ITGA8: variants seen among roughly 807,000 people sequenced by gnomAD.
ITGA8 encodes the protein integrin subunit alpha 8.
A neutral mutation model predicts 142.3 loss-of-function variants in ITGA8; 91 were observed. That is an observed-to-expected ratio of 0.64 (90% CI 0.54 to 0.76). The LOEUF (loss-of-function observed/expected upper bound fraction) is 0.76. Among genes scored for constraint, ITGA8 ranks in the 30% least tolerant of loss-of-function variants. The probability of loss-of-function intolerance (pLI) is 0.00; values close to 1 mark genes in which losing one functional copy is unlikely to be tolerated. For missense variants in ITGA8, 1,406 were observed against 1,327.7 expected (o/e 1.06, Z -0.92); for synonymous variants, 505 against 485.2 (o/e 1.04, Z -0.54).
chr10:15,646,877 G>A lies in ITGA8; in HGVS notation c.1176C>T (p.His392=), dbSNP rs150699841. 1.0e-3 allele frequency: 1,692 copies of A among 1,613,948 alleles called. 25 individuals carry two copies. Among genetic ancestry groups the A allele is most frequent in the Non-Finnish European group, 1.8e-4 (215 of 1,179,982 alleles). The change falls in exon 12 of 30, where the codon CAC becomes CAT. Residue 392 remains histidine, a synonymous_variant. Coordinates refer to ENST00000378076, the MANE Select transcript of ITGA8 (RefSeq NM_003638.3). ...ATCCATCTTGGTTCAGGTCTCCTAA[G>A]TGTGCCATAGCACTACCGAATCTCC... ...TFGRFGSAMA[H]LGDLNQDGYN... is the part of the protein sequence containing the mutation.
At position 15,647,487 on chromosome 10, in the gene ITGA8, G is replaced by A. The variant is rs535855975; in HGVS notation, c.1002-436C>T. On this transcript the variant is annotated intron_variant, in intron 11 of 29. Transcript: ENST00000378076. Reference sequence around the variant, plus strand: ...TTTTTTTTTTTTGAGACGGAGTCTCGCTCTGTCGCCCAGGCCGGACTGCGG... The same window carrying A: ...TTTTTTTTTTTTGAGACGGAGTCTCACTCTGTCGCCCAGGCCGGACTGCGG... Among the ~76,000 whole-genome samples, 132 of 117,198 alleles carry A rather than the reference G, an allele frequency of 1.1e-3. 1 individual carries two copies. Among genetic ancestry groups the A allele is most frequent in the Non-Finnish European group, 1.8e-3 (111 of 62,162 alleles). The allele number at this position is 117,198 out of a possible 152,430, so 76.9% of individuals were successfully genotyped here. A position where few individuals can be genotyped will look rare whatever the true frequency, so the allele number is the denominator to read the frequency against.
At chr10:15,719,250 G>T (rs1306327822) in intron 1 of ITGA8, among the ~76,000 whole-genome samples, 4 of 152,256 alleles carry the variant, frequency 2.6e-5, no homozygotes, top group Non-Finnish European at 5.9e-5. Context: ...AGACCTCGCT[G>T]TGGTGGCGGT....
chr10:15,544,111 A>G (rs1292518920), intron 27 of ITGA8, among the ~76,000 whole-genome samples: 1 of 151,840 alleles, frequency 6.6e-6, no homozygotes, highest in African/African-American at 2.4e-5. Flanking sequence ...CCTAAGCAAC[A>G]TAGCAAGATA....
chr10:15,534,229 C>T (rs1833371711), intron 27 of ITGA8, among the ~76,000 whole-genome samples: 1 of 152,120 alleles, frequency 6.6e-6, no homozygotes, highest in Non-Finnish European at 1.5e-5. Flanking sequence ...ATCTTGACTG[C>T]CGTTTCTGGT....
intron 21 of ITGA8, chr10:15,596,995 T>C (rs1564367292): frequency 1.8e-6 from 1 of 552,260 alleles, no homozygotes; most frequent in Non-Finnish European, 3.2e-6. Context: ...AGAGAAAGCA[T>C]AGAAGAGCAT....
At chr10:15,573,612 G>T (rs147339449) in intron 24 of ITGA8, among the ~76,000 whole-genome samples, 2 of 151,976 alleles carry the variant, frequency 1.3e-5, no homozygotes, top group African/African-American at 4.8e-5. Flanking sequence ...TCTTCCCTAC[G>T]TTTGTAAACA....
chr10:15,619,890 A>T (rs1208813630), intron 13 of ITGA8, among the ~76,000 whole-genome samples: 3 of 152,146 alleles, frequency 2.0e-5, no homozygotes, highest in African/African-American at 7.2e-5. Flanking sequence ...ATTCACGATG[A>T]ATTATGTGCT....
intron 20 of ITGA8, among the ~76,000 whole-genome samples, chr10:15,602,774 T>G (rs1245386521): frequency 6.6e-6 from 1 of 152,016 alleles, no homozygotes; most frequent in Non-Finnish European, 1.5e-5. Context: ...AATGGGATGA[T>G]TATAAACCAC....
intron 2 of ITGA8, among the ~76,000 whole-genome samples, chr10:15,691,165 G>A (rs182639996): frequency 6.6e-6 from 1 of 152,050 alleles, no homozygotes; most frequent in Non-Finnish European, 1.5e-5. Flanking sequence ...GTGTTAGCAG[G>A]GCTATTATCA....
rs530348205 is a variant in ITGA8, at chr10:15,665,272, A to G, written c.848-4350T>C. 1.6e-4 allele frequency among the ~76,000 whole-genome samples: 25 copies of G among 152,220 alleles called. No individual in the cohort carries two copies. In the South Asian group the frequency reaches 4.0e-3, roughly 24 times the overall value. The stretch of plus-strand genomic sequence containing the variant: ...TGCATTTCTCTGATGGCCAGTGATG[A>G]TGAGCATTTTTTCATGTGTTTTTTG... On this transcript the variant is annotated intron_variant, in intron 8 of 29. Coordinates refer to ENST00000378076, the MANE Select transcript of ITGA8 (RefSeq NM_003638.3).
At position 15,683,990 on chromosome 10, in the gene ITGA8, T is replaced by G; in HGVS notation, c.568+14A>C. On this transcript the variant is annotated intron_variant, in intron 4 of 29. Transcript: ENST00000378076. ...TTGAGCTAATGTCAGTTTCAAGGAATAAAAGTTGCTTACTGTTCCGGCAAG... is the reference window on the plus strand; with the variant it reads ...TTGAGCTAATGTCAGTTTCAAGGAAGAAAAGTTGCTTACTGTTCCGGCAAG... The G allele has an allele frequency of 6.2e-7, 1 of 1,613,918 alleles. No homozygotes were observed. The highest frequency in any genetic ancestry group is 8.5e-7 in the Non-Finnish European group (1 of 1,179,936).
Position 15,690,919 on chromosome 10 carries a change from T to C in ITGA8, c.344-2881A>G, listed in dbSNP as rs534828992. Among the ~76,000 whole-genome samples, 5 of 151,918 alleles carry C rather than the reference T, an allele frequency of 3.3e-5. No homozygotes were observed. In the South Asian group the frequency reaches 6.2e-4, roughly 19 times the overall value. On this transcript the variant is annotated intron_variant, in intron 2 of 29. Coordinates refer to ENST00000378076, the MANE Select transcript of ITGA8 (RefSeq NM_003638.3). ...ACCAACAAAGTGAAGAGGCAACCTATGAATGGGAGAAAATATTTGCAAACT... is the reference window on the plus strand; with the variant it reads ...ACCAACAAAGTGAAGAGGCAACCTACGAATGGGAGAAAATATTTGCAAACT...
intron 2 of ITGA8, among the ~76,000 whole-genome samples, chr10:15,714,102 T>G (rs1262532420): frequency 6.6e-6 from 1 of 152,210 alleles, no homozygotes; most frequent in East Asian, 1.9e-4. Flanking sequence ...ACATCACCTT[T>G]TTCCTCAAAC....
chr10:15,561,228 T>TACAC (rs1554772720), intron 25 of ITGA8, among the ~76,000 whole-genome samples: 7 of 87,036 alleles, frequency 8.0e-5, no homozygotes, highest in African/African-American at 2.9e-4. Context: ...TATATATATA[T>TACAC]ATATATGTAT....
At chr10:15,701,076 C>A (rs904657372) in intron 2 of ITGA8, among the ~76,000 whole-genome samples, 1 of 152,236 alleles carries the variant, frequency 6.6e-6, no homozygotes, top group African/African-American at 2.4e-5. Context: ...AATGAATAAC[C>A]AAGTTCCCAT....
intron 13 of ITGA8, among the ~76,000 whole-genome samples, chr10:15,637,651 G>A (rs1833796022): frequency 6.6e-6 from 1 of 151,858 alleles, no homozygotes; most frequent in Non-Finnish European, 1.5e-5. Context: ...AGCTGGAACT[G>A]CAGGCATACT....
At chr10:15,715,552 G>A (rs550563401) in intron 2 of ITGA8, among the ~76,000 whole-genome samples, 1 of 152,290 alleles carries the variant, frequency 6.6e-6, no homozygotes, top group South Asian at 2.1e-4. Flanking sequence ...TACCTTTGAT[G>A]TCAGTTTCCT....
intron 26 of ITGA8, among the ~76,000 whole-genome samples, chr10:15,550,410 C>T (rs1270872920): frequency 2.0e-5 from 3 of 152,166 alleles, no homozygotes; most frequent in South Asian, 2.1e-4. Flanking sequence ...CTGTGCTTCA[C>T]GGCTGACATG....
At chr10:15,702,772 C>G (rs563391582) in intron 2 of ITGA8, among the ~76,000 whole-genome samples, 1 of 152,136 alleles carries the variant, frequency 6.6e-6, no homozygotes, top group Admixed American at 6.5e-5. Flanking sequence ...CCTTAAAAGC[C>G]CATTTTAAAA....
Sources: gnomAD v4.1 joint callset for allele counts (sites outside exome capture counted in the v4.1 genomes callset) on GRCh38, gnomAD v4.1.1 for gene constraint, MANE v1.5 for transcripts, NCBI Gene and HGNC (gene_info 2026-07-23, HGNC 2026-07-21) for gene names.